The following SNX8 variants were observed in gnomAD, a reference collection of about 807,000 sequenced individuals.
SNX8 encodes the protein sorting nexin 8, also known as sorting nexin-8.
Under a neutral mutation model 51.6 loss-of-function variants are expected in SNX8, and 25 were observed. The observed-to-expected ratio is 0.48, with a 90% confidence interval of 0.35 to 0.68. SNX8 has a LOEUF of 0.68. SNX8 is among the 30% of genes least tolerant of loss of function. SNX8 has a pLI of 0.00. For missense variants in SNX8, 695 were observed against 624.0 expected (o/e 1.11, Z -1.21); for synonymous variants, 324 against 277.0 (o/e 1.17, Z -1.68).
At chr7:2,266,817 G>C (rs971281714) in intron 5 of SNX8, among the ~76,000 whole-genome samples, 8 of 152,202 alleles carry the variant, frequency 5.3e-5, no homozygotes, top group Non-Finnish European at 7.3e-5. Context: ...CACCGCGCCA[G>C]CCTGAAGAAG....
intron 1 of SNX8, chr7:2,353,941 G>C (rs1779234768): frequency 6.6e-6 from 1 of 152,258 alleles, no homozygotes; most frequent in Admixed American, 6.5e-5. Flanking sequence ...CCAACCAGTG[G>C]TTGTCCTCCA....
intron 1 of SNX8, among the ~76,000 whole-genome samples, chr7:2,344,617 A>AC (rs1778988494): frequency 6.7e-6 from 1 of 149,936 alleles, no homozygotes; most frequent in Non-Finnish European, 1.5e-5. Context: ...AACTCAAAAA[A>AC]AAAAAAAAAA....
At chr7:2,304,335 G>A (rs1239009000) in intron 1 of SNX8, among the ~76,000 whole-genome samples, 1 of 151,508 alleles carries the variant, frequency 6.6e-6, no homozygotes, top group Non-Finnish European at 1.5e-5. Flanking sequence ...ACGAGGTCAG[G>A]AGATAGAGAC....
Position 2,257,531 on chromosome 7 carries a change from G to A in SNX8, c.985-17C>T. On this transcript the variant is annotated splice_polypyrimidine_tract_variant and intron_variant, in intron 8 of 10. Transcript: ENST00000222990. ...GCACAGGTCCTGCGGGGCCGGGGGA[G>A]GCATTCGCCCGCTGTCTGGATGCCT... The A allele has an allele frequency of 2.5e-6, 4 of 1,600,424 alleles. No individual in the cohort carries two copies. The highest frequency in any genetic ancestry group is 1.1e-5 in the South Asian group (1 of 90,698).
At chr7:2,322,664 A>T (rs1435667616) in intron 1 of SNX8, among the ~76,000 whole-genome samples, 1 of 152,042 alleles carries the variant, frequency 6.6e-6, no homozygotes, top group African/African-American at 2.4e-5. Context: ...ACTGCACTCC[A>T]GCCTGGGTGA....
chr7:2,314,385 C>T lies in SNX8; in HGVS notation c.37G>A (p.Ala13Thr). ...TCCGCCTCAGCTGCCGCCCCGACTG[C>T]AGCCGCGGGCAGCGGGTCCATCGCG... ...GRAMDPLPAA[A>T]VGAAAEAEAD... Residue 13 changes from alanine (A) to threonine (T), a missense_variant, in exon 1 of 11, where the codon GCA becomes ACA. Coordinates refer to ENST00000222990, the MANE Select transcript of SNX8 (RefSeq NM_013321.4). 1 of 1,221,360 alleles carries T rather than the reference C, an allele frequency of 8.2e-7. No individual in the cohort carries two copies. Among genetic ancestry groups the T allele is most frequent in the Non-Finnish European group, 1.0e-6 (1 of 980,874 alleles). The allele number at this position is 1,221,360 out of a possible 1,614,324, so 75.7% of individuals were successfully genotyped here. A position where few individuals can be genotyped will look rare whatever the true frequency, so the allele number is the denominator to read the frequency against.
chr7:2,313,602 C>T (rs186630679), intron 1 of SNX8, among the ~76,000 whole-genome samples: 84 of 152,134 alleles, frequency 5.5e-4, no homozygotes, highest in African/African-American at 1.9e-3. Context: ...ATGGCTCATG[C>T]CCGTACTCCC....
intron 7 of SNX8, among the ~76,000 whole-genome samples, chr7:2,262,776 G>A (rs1221468537): frequency 6.6e-6 from 1 of 152,094 alleles, no homozygotes; most frequent in African/African-American, 2.4e-5. Context: ...GAACAGATGT[G>A]GATGGGCAGC....
chr7:2,271,329 A>G (rs1271125528), intron 4 of SNX8, among the ~76,000 whole-genome samples: 1 of 152,246 alleles, frequency 6.6e-6, no homozygotes, highest in East Asian at 1.9e-4. Flanking sequence ...GGCGTGGGCC[A>G]CTGTACCTGC....
intron 1 of SNX8, among the ~76,000 whole-genome samples, chr7:2,331,371 G>A (rs1386084553): frequency 1.3e-5 from 2 of 151,340 alleles, no homozygotes; most frequent in Non-Finnish European, 2.9e-5. Context: ...ATATACTAGC[G>A]ATGTACTATT....
intron 1 of SNX8, among the ~76,000 whole-genome samples, chr7:2,336,782 A>C (rs970067043): frequency 1.3e-5 from 2 of 151,942 alleles, no homozygotes; most frequent in African/African-American, 4.8e-5. Flanking sequence ...CAAGGAGGGC[A>C]GATCATTTGA....
chr7:2,347,194 C>A (rs1021691043), intron 1 of SNX8, among the ~76,000 whole-genome samples: 5 of 151,894 alleles, frequency 3.3e-5, no homozygotes, highest in Admixed American at 6.6e-5. Flanking sequence ...ATAATAAGAG[C>A]CTTTGGGCTG....
chr7:2,350,921 A>G (rs1029443045), intron 1 of SNX8, among the ~76,000 whole-genome samples: 3 of 152,180 alleles, frequency 2.0e-5, no homozygotes, highest in Admixed American at 2.0e-4. Context: ...TGCTGGGATT[A>G]CCGGTGGGAG....
rs1242905669 is a variant in SNX8 at position 2,257,796 on chromosome 7, T to C, written c.923A>G (p.Gln308Arg). 1.9e-6 allele frequency: 3 copies of C among 1,613,880 alleles called. No homozygotes were observed. The South Asian group carries it at 3.3e-5, about 18-fold the overall frequency. ...LADKAAQQGK[Q>R]EENDVVEKLN... is the part of the protein sequence containing the mutation. ...CTTCTCCACCACGTCGTTCTCTTCC[T>C]GCTTACCCTGGAAGGCGAGGGGGAG... is the stretch of plus-strand genomic sequence containing the variant. Residue 308 changes from glutamine to arginine, a missense_variant, in exon 8 of 11, where the codon CAG becomes CGG. Coordinates refer to ENST00000222990, the MANE Select transcript of SNX8 (RefSeq NM_013321.4).
chr7:2,266,773 A>C (rs1274845502), intron 5 of SNX8, among the ~76,000 whole-genome samples: 2 of 152,096 alleles, frequency 1.3e-5, no homozygotes, highest in African/African-American at 4.8e-5. Flanking sequence ...CGACAGCCTC[A>C]GCCTCCCAAA....
At chr7:2,313,629 A>G (rs1044674549) in intron 1 of SNX8, among the ~76,000 whole-genome samples, 2 of 152,120 alleles carry the variant, frequency 1.3e-5, no homozygotes, top group Non-Finnish European at 2.9e-5. Context: ...TTGGGAGGCC[A>G]AGGCAGGAGG....
chr7:2,272,357 C>T (rs1456274555), intron 3 of SNX8, among the ~76,000 whole-genome samples: 1 of 151,996 alleles, frequency 6.6e-6, no homozygotes, highest in Non-Finnish European at 1.5e-5. Context: ...CTAACACTAA[C>T]GCAACCCAGG....
intron 1 of SNX8, among the ~76,000 whole-genome samples, chr7:2,338,217 C>G (rs1778865129): frequency 6.6e-6 from 1 of 152,092 alleles, no homozygotes; most frequent in Non-Finnish European, 1.5e-5. Context: ...AATCCCAGCA[C>G]TTTGGGAGGC....
intron 1 of SNX8, among the ~76,000 whole-genome samples, chr7:2,344,439 G>A (rs953496857): frequency 1.3e-5 from 2 of 149,290 alleles, no homozygotes; most frequent in Non-Finnish European, 3.0e-5. Flanking sequence ...GTGAAACCCC[G>A]TCTCTACTAA....
Sources: allele counts gnomAD v4.1 joint callset (sites outside exome capture counted in the v4.1 genomes callset), GRCh38; gene constraint gnomAD v4.1.1; transcripts MANE v1.5; gene names NCBI Gene and HGNC (gene_info 2026-07-23, HGNC 2026-07-21).